NXPH1: variants seen among roughly 807,000 people sequenced by gnomAD.
The protein encoded by NXPH1 is neurexophilin 1.
NXPH1 carries 5 observed loss-of-function variants against 23.7 expected under a neutral mutation model. The observed-to-expected ratio is 0.21, with a 90% CI of 0.11 to 0.44. The LOEUF (loss-of-function observed/expected upper bound fraction) is 0.44. NXPH1 is among the 20% of genes least tolerant of loss of function. The probability of loss-of-function intolerance (pLI) is 0.99; values close to 1 mark genes in which losing one functional copy is unlikely to be tolerated. For missense variants in NXPH1, 324 were observed against 321.6 expected, an observed-to-expected ratio of 1.01 and a Z score of -0.06; for synonymous variants, 144 against 122.2, an observed-to-expected ratio of 1.18 and a Z score of -1.18.
chr7:8,657,498 C>G (rs1051729422), intron 2 of NXPH1, among the ~76,000 whole-genome samples: 54 of 152,170 alleles, frequency 3.5e-4, no homozygotes, highest in African/African-American at 1.3e-3. Flanking sequence ...CCCTGGCCCA[C>G]TCCTAGGCAG....
intron 2 of NXPH1, among the ~76,000 whole-genome samples, chr7:8,688,578 G>A (rs1821182036): frequency 6.6e-6 from 1 of 152,182 alleles, no homozygotes; most frequent in Non-Finnish European, 1.5e-5. Flanking sequence ...TTGCATGACA[G>A]GCAAAGATGC....
chr7:8,669,619 C>G (rs1176783702), intron 2 of NXPH1, among the ~76,000 whole-genome samples: 19 of 151,904 alleles, frequency 1.3e-4, no homozygotes, highest in Admixed American at 1.2e-3. Context: ...GGCACCAACT[C>G]TGAGGTTCAG....
chr7:8,440,016 T>TAGTTCTTG (rs2128603985), intron 2 of NXPH1, among the ~76,000 whole-genome samples: 1 of 152,390 alleles, frequency 6.6e-6, no homozygotes, highest in East Asian at 1.9e-4. Context: ...CTATTAAGGC[T>TAGTTCTTG]AGTTCTTGGA....
chr7:8,610,160 C>A (rs542671635), intron 2 of NXPH1, among the ~76,000 whole-genome samples: 1 of 152,082 alleles, frequency 6.6e-6, no homozygotes, highest in Non-Finnish European at 1.5e-5. Context: ...TGACTAACAG[C>A]ATTAGAGATA....
chr7:8,669,848 C>T (rs1238344154), intron 2 of NXPH1, among the ~76,000 whole-genome samples: 1 of 152,170 alleles, frequency 6.6e-6, no homozygotes, highest in Non-Finnish European at 1.5e-5. Context: ...TTGTGTCACA[C>T]TCAGGTGCTA....
At chr7:8,523,137 A>T in intron 2 of NXPH1, among the ~76,000 whole-genome samples, 1 of 152,258 alleles carries the variant, frequency 6.6e-6, no homozygotes, top group East Asian at 1.9e-4. Flanking sequence ...GGATATAACC[A>T]GTAATGCTGG....
intron 2 of NXPH1, among the ~76,000 whole-genome samples, chr7:8,589,320 A>G (rs1819043369): frequency 6.6e-6 from 1 of 152,096 alleles, no homozygotes; most frequent in Non-Finnish European, 1.5e-5. Context: ...TTAAGTCACA[A>G]GGTATAAGAT....
chr7:8,629,460 A>T (rs1820075520), intron 2 of NXPH1, among the ~76,000 whole-genome samples: 3 of 152,258 alleles, frequency 2.0e-5, no homozygotes, highest in South Asian at 2.1e-4. Flanking sequence ...GCTTATAATG[A>T]CTTACATGCA....
chr7:8,484,022 AGTCTT>A (rs1192336716), intron 2 of NXPH1, among the ~76,000 whole-genome samples: 1 of 145,888 alleles, frequency 6.9e-6, no homozygotes, highest in Non-Finnish European at 1.5e-5. Flanking sequence ...TGTTTTTTAT[AGTCTT>A]GTCTGGGAAG....
At chr7:8,553,667 T>A (rs753475178) in intron 2 of NXPH1, among the ~76,000 whole-genome samples, 1 of 151,716 alleles carries the variant, frequency 6.6e-6, no homozygotes, top group African/African-American at 2.4e-5. Flanking sequence ...CACCCAATAC[T>A]GTCTTTTCCT....
chr7:8,494,920 C>G (rs1817310765), intron 2 of NXPH1, among the ~76,000 whole-genome samples: 1 of 151,962 alleles, frequency 6.6e-6, no homozygotes, highest in South Asian at 2.1e-4. Context: ...TGATTGTACT[C>G]CCACTAAATG....
At chr7:8,628,117 A>T (rs1562434241) in intron 2 of NXPH1, among the ~76,000 whole-genome samples, 2 of 152,076 alleles carry the variant, frequency 1.3e-5, no homozygotes, top group East Asian at 3.8e-4. Context: ...ACAGATATAT[A>T]TTTTTTCCTG....
intron 2 of NXPH1, among the ~76,000 whole-genome samples, chr7:8,520,504 C>T (rs181929127): frequency 7.9e-5 from 12 of 152,214 alleles, no homozygotes; most frequent in East Asian, 1.9e-4. Context: ...GATATAAGTC[C>T]GACACGGTAG....
At chr7:8,603,597 T>C (rs1216046292) in intron 2 of NXPH1, among the ~76,000 whole-genome samples, 1 of 152,224 alleles carries the variant, frequency 6.6e-6, no homozygotes, top group East Asian at 1.9e-4. Context: ...TTTTGTGATA[T>C]CTTTTCAGCT....
intron 2 of NXPH1, among the ~76,000 whole-genome samples, chr7:8,626,105 C>T (rs1443354446): frequency 6.6e-6 from 1 of 151,892 alleles, no homozygotes; most frequent in Non-Finnish European, 1.5e-5. Context: ...TTCTGCATTT[C>T]TTCTAAGGGA....
At chr7:8,639,474 G>T (rs953861535) in intron 2 of NXPH1, among the ~76,000 whole-genome samples, 1 of 151,848 alleles carries the variant, frequency 6.6e-6, no homozygotes, top group Non-Finnish European at 1.5e-5. Context: ...AAAAAAAAAA[G>T]GCTGTTTCTC....
In NXPH1 at chr7:8,665,319, T is replaced by G. The variant is rs375356632; in HGVS notation, c.55-85689T>G. ...GTGTTCTTGGCACATTTACTAAAAA[T>G]CAATTAACCATAGATACATGGATTT... is the stretch of plus-strand genomic sequence containing the variant. On this transcript the variant is annotated intron_variant, in intron 2 of 2. Coordinates refer to ENST00000405863, the MANE Select transcript of NXPH1 (RefSeq NM_152745.3). 1.6e-4 allele frequency among the ~76,000 whole-genome samples: 24 copies of G among 152,210 alleles called. No individual in the cohort carries two copies. In the East Asian group the frequency reaches 4.4e-3, roughly 28 times the overall value.
At chr7:8,514,504 G>C (rs188650410) in intron 2 of NXPH1, among the ~76,000 whole-genome samples, 348 of 152,226 alleles carry the variant, frequency 2.3e-3, no homozygotes, top group Admixed American at 4.5e-3. Context: ...TTGGAAAATG[G>C]TTAAAACAAA....
At chr7:8,523,833 TGG>T (rs1817816130) in intron 2 of NXPH1, among the ~76,000 whole-genome samples, 1 of 152,196 alleles carries the variant, frequency 6.6e-6, no homozygotes, top group Non-Finnish European at 1.5e-5. Flanking sequence ...ATCATGGGTC[TGG>T]ACATGATTGC....
Sources: gnomAD v4.1 joint callset for allele counts (sites outside exome capture counted in the v4.1 genomes callset) on GRCh38, gnomAD v4.1.1 for gene constraint, MANE v1.5 for transcripts, NCBI Gene and HGNC (gene_info 2026-07-23, HGNC 2026-07-21) for gene names.